The following KHDRBS3 variants were observed in gnomAD, a reference collection of about 807,000 sequenced individuals.
The protein encoded by KHDRBS3 is KH RNA binding domain containing, signal transduction associated 3.
In KHDRBS3, 23 loss-of-function variants were observed where a neutral mutation model predicts 45.6. The ratio of observed to expected loss-of-function variants is 0.50; its 90% CI spans 0.36 to 0.72. The LOEUF (loss-of-function observed/expected upper bound fraction) is 0.72. Among genes scored for constraint, KHDRBS3 ranks in the 30% least tolerant of loss-of-function variants. The pLI, the probability that KHDRBS3 is intolerant of heterozygous loss-of-function variation, is 0.00. For missense variants in KHDRBS3, 352 were observed against 424.8 expected (o/e 0.83, Z 1.51); for synonymous variants, 162 against 156.5 (o/e 1.04, Z -0.26).
chr8:135,634,657 G>A (rs1003702353), intron 7 of KHDRBS3, among the ~76,000 whole-genome samples: 2 of 152,088 alleles, frequency 1.3e-5, no homozygotes, highest in Non-Finnish European at 2.9e-5. Context: ...AGGATTTGAG[G>A]GTAATCTCTA....
intron 2 of KHDRBS3, among the ~76,000 whole-genome samples, chr8:135,535,122 C>A (rs1230923331): frequency 6.6e-6 from 1 of 151,854 alleles, no homozygotes; most frequent in Non-Finnish European, 1.5e-5. Context: ...TAAAGTGGAA[C>A]TTTTCTGTCC....
chr8:135,524,196 G>A (rs893600492), intron 2 of KHDRBS3, among the ~76,000 whole-genome samples: 7 of 151,878 alleles, frequency 4.6e-5, no homozygotes, highest in African/African-American at 1.7e-4. Flanking sequence ...TTGTATTTTT[G>A]GTAGAGATGA....
intron 2 of KHDRBS3, among the ~76,000 whole-genome samples, chr8:135,536,953 C>T (rs1311435685): frequency 1.0e-5 from 1 of 97,834 alleles, no homozygotes; most frequent in Non-Finnish European, 1.8e-5. Flanking sequence ...GGCGACAGAG[C>T]GAAACTCCAT....
At chr8:135,525,425 A>G (rs11166597) in intron 2 of KHDRBS3, among the ~76,000 whole-genome samples, 121,773 of 152,156 alleles carry the variant, frequency 0.8, 49,254 homozygotes, top group East Asian at 0.96. Flanking sequence ...CTGCCACTAA[A>G]GCCAAAAGCT....
intron 5 of KHDRBS3, among the ~76,000 whole-genome samples, chr8:135,570,958 T>A (rs946914804): frequency 1.3e-5 from 2 of 152,214 alleles, no homozygotes; most frequent in African/African-American, 4.8e-5. Flanking sequence ...AATCTTTGGT[T>A]TCTTTTAAAA....
intron 4 of KHDRBS3, chr8:135,549,767 A>G (rs1423966017): frequency 6.6e-6 from 1 of 152,192 alleles, no homozygotes; most frequent in Non-Finnish European, 1.5e-5. Context: ...ATTGACTTAC[A>G]TACTACAGCA....
At chr8:135,474,527 G>C (rs1822173285) in intron 1 of KHDRBS3, among the ~76,000 whole-genome samples, 1 of 152,192 alleles carries the variant, frequency 6.6e-6, no homozygotes, top group Non-Finnish European at 1.5e-5. Context: ...ATGTTAATGA[G>C]CCAGTTTATA....
intron 1 of KHDRBS3, 173 bp downstream of exon 1, chr8:135,458,127 G>C (rs1000783059): frequency 8.0e-6 from 11 of 1,381,186 alleles, no homozygotes; most frequent in Non-Finnish European, 9.3e-6. Flanking sequence ...GGGACACCTA[G>C]GGGAAGACCC....
intron 2 of KHDRBS3, among the ~76,000 whole-genome samples, chr8:135,533,192 G>A (rs1383412906): frequency 6.6e-6 from 1 of 152,130 alleles, no homozygotes; most frequent in Non-Finnish European, 1.5e-5. Context: ...AATTAAACAT[G>A]TCCTCCAGTG....
intron 1 of KHDRBS3, among the ~76,000 whole-genome samples, chr8:135,479,008 G>A (rs1311203620): frequency 6.6e-6 from 1 of 152,106 alleles, no homozygotes; most frequent in African/African-American, 2.4e-5. Context: ...TCAACAAACC[G>A]AAAGGTGGTT....
At chr8:135,625,038 G>A (rs1291053498) in intron 7 of KHDRBS3, 8 of 501,212 alleles carry the variant, frequency 1.6e-5, no homozygotes, top group African/African-American at 3.9e-5. Flanking sequence ...GGAGTGAAAC[G>A]TCTGCAAAAT....
intron 1 of KHDRBS3, among the ~76,000 whole-genome samples, chr8:135,514,768 T>A (rs1824484792): frequency 6.6e-6 from 1 of 152,226 alleles, no homozygotes; most frequent in South Asian, 2.1e-4. Flanking sequence ...GAATTCTGAC[T>A]GTGCTATTAG....
At chr8:135,583,150 C>G (rs1828296269) in intron 6 of KHDRBS3, among the ~76,000 whole-genome samples, 1 of 152,168 alleles carries the variant, frequency 6.6e-6, no homozygotes, top group Non-Finnish European at 1.5e-5. Flanking sequence ...TTGAGCATTA[C>G]TACAGTTCTT....
chr8:135,571,068 T>G (rs1364136035), intron 5 of KHDRBS3, among the ~76,000 whole-genome samples: 1 of 152,190 alleles, frequency 6.6e-6, no homozygotes, highest in Non-Finnish European at 1.5e-5. Flanking sequence ...TAGCCAGGGA[T>G]GAACAGACAA....
At position 135,480,297 on chromosome 8, in the gene KHDRBS3, G is replaced by A. The variant is rs137984346; in HGVS notation, c.88+22343G>A. ...TTGGAGAGTCTAGTCAGGGCAGTTG[G>A]GCAAGAAAATAAAAGGCATACAGAT... On this transcript the variant is annotated intron_variant, in intron 1 of 8. Coordinates refer to ENST00000355849, the MANE Select transcript of KHDRBS3 (RefSeq NM_006558.3). Among the ~76,000 whole-genome samples the A allele has an allele frequency of 1.0e-2, 1,514 of 152,056 alleles. 19 individuals are homozygous for A. Among genetic ancestry groups the A allele is most frequent in the African/African-American group, 0.032 (1,337 of 41,472 alleles).
At chr8:135,592,493 C>A (rs986265330) in intron 6 of KHDRBS3, among the ~76,000 whole-genome samples, 1 of 152,088 alleles carries the variant, frequency 6.6e-6, no homozygotes. Context: ...TGGATTATTC[C>A]TTTGTTATAA....
chr8:135,640,276 T>G (rs1831007424), intron 7 of KHDRBS3, among the ~76,000 whole-genome samples: 1 of 152,038 alleles, frequency 6.6e-6, no homozygotes, highest in Non-Finnish European at 1.5e-5. Context: ...TTCCAGTGAA[T>G]TTAAAGTAGA....
chr8:135,555,671 G>A (rs1486625779), intron 4 of KHDRBS3, among the ~76,000 whole-genome samples: 1 of 152,088 alleles, frequency 6.6e-6, no homozygotes, highest in African/African-American at 2.4e-5. Flanking sequence ...ACTTAAAAAA[G>A]CAGTTGACTG....
intron 5 of KHDRBS3, among the ~76,000 whole-genome samples, chr8:135,562,498 G>C (rs1204127626): frequency 1.3e-5 from 2 of 152,114 alleles, no homozygotes; most frequent in African/African-American, 2.4e-5. Flanking sequence ...TTCCTTAGAA[G>C]GTATCCTCAT....
Sources: gnomAD v4.1 joint callset for allele counts (sites outside exome capture counted in the v4.1 genomes callset) on GRCh38, gnomAD v4.1.1 for gene constraint, MANE v1.5 for transcripts, NCBI Gene and HGNC (gene_info 2026-07-23, HGNC 2026-07-21) for gene names.